The following EPB41L4A variants were observed in gnomAD, a reference collection of about 807,000 sequenced individuals.
EPB41L4A encodes the protein band 4.1-like protein 4A.
In EPB41L4A, 100 loss-of-function variants were observed where a neutral mutation model predicts 108.6. That is an observed-to-expected ratio of 0.92 (90% confidence interval 0.78 to 1.09). The LOEUF is 1.09. Among genes scored for constraint, EPB41L4A ranks in the 50% least tolerant of loss-of-function variants. The probability of loss-of-function intolerance (pLI) is 0.00; values close to 1 mark genes in which losing one functional copy is unlikely to be tolerated. For synonymous variants in EPB41L4A, 319 were observed against 289.0 expected (o/e 1.10, Z -1.05); for missense variants, 1,030 against 842.7 (o/e 1.22, Z -2.75).
chr5:112,395,487 A>G (rs1474764658), intron 1 of EPB41L4A, among the ~76,000 whole-genome samples: 1 of 152,364 alleles, frequency 6.6e-6, no homozygotes, highest in East Asian at 1.9e-4. Context: ...CAACAGACAC[A>G]TGAAAAAATG....
chr5:112,313,363 G>A (rs867406628), intron 1 of EPB41L4A, among the ~76,000 whole-genome samples: 4 of 152,096 alleles, frequency 2.6e-5, no homozygotes, highest in South Asian at 4.1e-4. Context: ...AGGCCGAGGC[G>A]GGTGGATCAT....
Position 112,254,033 on chromosome 5 carries a change from A to G in EPB41L4A, c.795+5196T>C, listed in dbSNP as rs541681682. Among the ~76,000 whole-genome samples the G allele has an allele frequency of 2.5e-3, 387 of 152,322 alleles. 1 individual carries two copies. The highest frequency in any genetic ancestry group is 4.8e-3 in the Non-Finnish European group (327 of 68,028). On this transcript the variant is annotated intron_variant, in intron 9 of 22. Coordinates refer to ENST00000261486, the MANE Select transcript of EPB41L4A (RefSeq NM_022140.5). ...CAAGTGGATCTCATTACTCACAGCCAGAGTTGCCAGGAACCTTTTGGTTCT... is the reference window on the plus strand; with the variant it reads ...CAAGTGGATCTCATTACTCACAGCCGGAGTTGCCAGGAACCTTTTGGTTCT...
intron 11 of EPB41L4A, among the ~76,000 whole-genome samples, chr5:112,237,885 C>T (rs754157163): frequency 6.6e-6 from 1 of 152,164 alleles, no homozygotes; most frequent in African/African-American, 2.4e-5. Flanking sequence ...CAGTTAACAT[C>T]AGCCACAAAA....
rs56972746 is a variant in EPB41L4A, at chr5:112,339,474, CTATATATATATATA to C, written c.100-31998_100-31985del. On this transcript the variant is annotated intron_variant, in intron 1 of 22. Coordinates refer to ENST00000261486, the MANE Select transcript of EPB41L4A (RefSeq NM_022140.5). ...TATATAGCTATAGATATATATATATCTATATATATATATATATATATCTATATATATATATAGAT... is the reference window on the plus strand; with the variant it reads ...TATATAGCTATAGATATATATATATCTATATATCTATATATATATATAGAT... Among the ~76,000 whole-genome samples, 39 of 115,684 alleles carry C rather than the reference CTATATATATATATA, an allele frequency of 3.4e-4. 1 individual carries two copies. The highest frequency in any genetic ancestry group is 1.2e-3 in the Admixed American group (14 of 11,708). 75.9% of individuals were successfully genotyped at this position (115,684 alleles called of 152,430 possible).
At chr5:112,363,478 T>G (rs1280480635) in intron 1 of EPB41L4A, 1 of 152,574 alleles carries the variant, frequency 6.6e-6, no homozygotes, top group Admixed American at 6.5e-5. Context: ...ACCTTCCAGT[T>G]CTTCCACCTC....
At chr5:112,314,363 GC>G (rs1755268220) in intron 1 of EPB41L4A, among the ~76,000 whole-genome samples, 1 of 151,456 alleles carries the variant, frequency 6.6e-6, no homozygotes, top group Non-Finnish European at 1.5e-5. Context: ...TCAATACTTT[GC>G]AAAAGAAAAG....
intron 1 of EPB41L4A, among the ~76,000 whole-genome samples, chr5:112,379,085 G>C (rs971257307): frequency 6.6e-6 from 1 of 152,142 alleles, no homozygotes. Flanking sequence ...TATCAAATCA[G>C]TGCATTCTCT....
intron 1 of EPB41L4A, among the ~76,000 whole-genome samples, chr5:112,414,935 G>C (rs17134503): frequency 0.038 from 5,796 of 152,040 alleles, 158 homozygotes; most frequent in Non-Finnish European, 0.055. Flanking sequence ...TGAATCTTAC[G>C]TTTGTGTGTG....
intron 1 of EPB41L4A, among the ~76,000 whole-genome samples, chr5:112,339,531 T>TATAG (rs1757165706): frequency 1.8e-5 from 2 of 112,772 alleles, no homozygotes; most frequent in Non-Finnish European, 3.5e-5. Flanking sequence ...TATATATCTA[T>TATAG]ATATATATAT....
At chr5:112,143,472 TAGTC>T (rs1759138455) in exon 14 of EPB41L4A, 1 of 153,396 alleles carries the variant, frequency 6.5e-6, no homozygotes, top group Non-Finnish European at 1.5e-5. Flanking sequence ...AAGGCTGTAT[TAGTC>T]AGGATATAAA....
At chr5:112,386,383 A>G (rs914403140) in intron 1 of EPB41L4A, among the ~76,000 whole-genome samples, 1 of 152,242 alleles carries the variant, frequency 6.6e-6, no homozygotes, top group Non-Finnish European at 1.5e-5. Flanking sequence ...TTAAAAATTA[A>G]TAATGTTGAT....
intron 17 of EPB41L4A, among the ~76,000 whole-genome samples, chr5:112,190,885 AAAG>A (rs1245015757): frequency 7.5e-6 from 1 of 134,118 alleles, no homozygotes; most frequent in African/African-American, 2.7e-5. Flanking sequence ...GAAACAGAAG[AAAG>A]AAAAAAGACT....
At chr5:112,293,310 T>C (rs1297066342) in intron 2 of EPB41L4A, among the ~76,000 whole-genome samples, 3 of 152,170 alleles carry the variant, frequency 2.0e-5, no homozygotes, top group Non-Finnish European at 4.4e-5. Context: ...ATTAATTTTG[T>C]GACCCAGGCA....
At position 112,194,588 on chromosome 5, in the gene EPB41L4A, T is replaced by C. The variant is rs1369798199; in HGVS notation, c.1482A>G (p.Glu494=). The stretch of plus-strand genomic sequence containing the variant: ...ATTACCTGTTTCTCTTTTTCCGGTA[T>C]TCTCTATTAGAATTTTCTGATTCAC... ...SGSESENSNR[E]YRKKRNRIRQ... The change falls in exon 17 of 23, where the codon GAA becomes GAG. Residue 494 remains glutamate, a synonymous_variant. Transcript: ENST00000261486. 1.3e-6 allele frequency: 2 copies of C among 1,599,440 alleles called. No individual in the cohort carries two copies. Among genetic ancestry groups the C allele is most frequent in the Non-Finnish European group, 1.7e-6 (2 of 1,170,992 alleles).
rs377554647 is a variant in EPB41L4A at position 112,203,970 on chromosome 5, C to T, written c.1376+405G>A. On this transcript the variant is annotated intron_variant, in intron 15 of 22. Coordinates refer to ENST00000261486, the MANE Select transcript of EPB41L4A (RefSeq NM_022140.5). Reference sequence around the variant, plus strand: ...AGGAGAATCGCCTGAACCCAGGAGGCGGAGGTTGCAGTGAGCTGAGATCGT... The same window carrying T: ...AGGAGAATCGCCTGAACCCAGGAGGTGGAGGTTGCAGTGAGCTGAGATCGT... Among the ~76,000 whole-genome samples the T allele has an allele frequency of 1.5e-4, 22 of 151,428 alleles. 1 individual carries two copies. Among genetic ancestry groups the T allele is most frequent in the East Asian group, 7.8e-4 (4 of 5,150 alleles).
At chr5:112,395,753 C>A (rs1037551427) in intron 1 of EPB41L4A, among the ~76,000 whole-genome samples, 1 of 152,148 alleles carries the variant, frequency 6.6e-6, no homozygotes, top group Non-Finnish European at 1.5e-5. Context: ...TGGGTATATA[C>A]CCAAAGATTA....
intron 12 of EPB41L4A, among the ~76,000 whole-genome samples, chr5:112,234,298 C>T (rs934232416): frequency 2.0e-5 from 3 of 151,666 alleles, no homozygotes; most frequent in Non-Finnish European, 4.4e-5. Context: ...CAGAACATCA[C>T]TTGGGCCCAG....
intron 1 of EPB41L4A, among the ~76,000 whole-genome samples, chr5:112,379,064 C>G (rs527355613): frequency 6.6e-6 from 1 of 152,300 alleles, no homozygotes; most frequent in South Asian, 2.1e-4. Context: ...TGGTGGAACA[C>G]ACTGAGCTAA....
chr5:112,343,550 T>C (rs1757455971), intron 1 of EPB41L4A, among the ~76,000 whole-genome samples: 1 of 152,100 alleles, frequency 6.6e-6, no homozygotes. Flanking sequence ...GGTGTTGCCA[T>C]CACCACGACC....
Sources: gnomAD v4.1 joint callset for allele counts (sites outside exome capture counted in the v4.1 genomes callset) on GRCh38, gnomAD v4.1.1 for gene constraint, MANE v1.5 for transcripts, NCBI Gene and HGNC (gene_info 2026-07-23, HGNC 2026-07-21) for gene names.